Variants in ANK3 observed in about 807,000 individuals in gnomAD.
ANK3 encodes ankyrin-3.
In ANK3, 57 loss-of-function variants were observed where a neutral mutation model predicts 370.9. The ratio of observed to expected loss-of-function variants is 0.15; its 90% CI spans 0.12 to 0.19. ANK3 has a LOEUF of 0.19. Among genes scored for constraint, ANK3 ranks in the 10% least tolerant of loss-of-function variants. The pLI, the probability that ANK3 is intolerant of heterozygous loss-of-function variation, is 1.00. For synonymous variants in ANK3, 1,929 were observed against 1,946.3 expected (o/e 0.99, Z 0.23); for missense variants, 4,439 against 5,302.1 (o/e 0.84, Z 5.06).
intron 2 of ANK3, among the ~76,000 whole-genome samples, chr10:60,538,765 T>A (rs1211725974): frequency 2.0e-5 from 3 of 151,894 alleles, no homozygotes; most frequent in African/African-American, 7.2e-5. Flanking sequence ...ATAGTAAATA[T>A]ATATTTACTA....
At chr10:60,502,547 G>A (rs1229730703) in intron 2 of ANK3, among the ~76,000 whole-genome samples, 2 of 152,166 alleles carry the variant, frequency 1.3e-5, no homozygotes, top group Non-Finnish European at 2.9e-5. Context: ...GGGCATGATG[G>A]CAGATGCCTA....
intron 8 of ANK3, among the ~76,000 whole-genome samples, chr10:60,220,454 C>T (rs943879795): frequency 6.6e-6 from 1 of 152,172 alleles, no homozygotes; most frequent in South Asian, 2.1e-4. Context: ...ACTGATAGAA[C>T]AGACTCTTTA....
intron 2 of ANK3, chr10:60,507,807 A>G (rs2075979427): frequency 6.6e-6 from 1 of 152,062 alleles, no homozygotes. Context: ...GTTTTTTAAA[A>G]GCTACTTAAT....
intron 2 of ANK3, among the ~76,000 whole-genome samples, chr10:60,465,781 T>C (rs4948261): frequency 0.23 from 33,767 of 148,512 alleles, 4,057 homozygotes; most frequent in East Asian, 0.47. Flanking sequence ...TTTTTCTTTT[T>C]TTTCTTTCTT....
intron 2 of ANK3, among the ~76,000 whole-genome samples, chr10:60,599,509 T>A (rs2078032265): frequency 1.3e-5 from 2 of 152,352 alleles, no homozygotes; most frequent in East Asian, 1.9e-4. Context: ...TCTTTTCTAT[T>A]GATTCCTTTC....
chr10:60,237,584 GTTTC>G (rs1565895688), intron 7 of ANK3, among the ~76,000 whole-genome samples: 1 of 150,990 alleles, frequency 6.6e-6, no homozygotes, highest in African/African-American at 2.4e-5. Context: ...GGTGCCTTGA[GTTTC>G]TTTTTTTTCT....
intron 1 of ANK3, among the ~76,000 whole-genome samples, chr10:60,633,233 A>G (rs567898580): frequency 3.9e-5 from 6 of 152,356 alleles, no homozygotes; most frequent in African/African-American, 1.4e-4. Flanking sequence ...AATCACTATC[A>G]TGACATACAG....
At chr10:60,469,038 T>TATATATAC (rs1433826273) in intron 2 of ANK3, among the ~76,000 whole-genome samples, 3 of 71,050 alleles carry the variant, frequency 4.2e-5, no homozygotes, top group African/African-American at 1.7e-4. Flanking sequence ...AGTGTATATA[T>TATATATAC]ATATATATAT....
At chr10:60,109,484 C>T (rs2092514004) in intron 26 of ANK3, among the ~76,000 whole-genome samples, 2 of 152,162 alleles carry the variant, frequency 1.3e-5, no homozygotes, top group South Asian at 4.1e-4. Flanking sequence ...TGAAACTCCA[C>T]AGTATGTCTT....
intron 16 of ANK3, among the ~76,000 whole-genome samples, chr10:60,192,181 C>T (rs538001786): frequency 2.8e-3 from 433 of 152,110 alleles, no homozygotes; most frequent in Middle Eastern, 6.8e-3. Context: ...CGTGAGCCAC[C>T]GCACCCGGCC....
intron 17 of ANK3, among the ~76,000 whole-genome samples, chr10:60,186,289 T>C (rs1337482930): frequency 6.6e-6 from 1 of 152,064 alleles, no homozygotes; most frequent in Non-Finnish European, 1.5e-5. Flanking sequence ...GCCACTTCCA[T>C]ATATACTCAT....
chr10:60,458,288 T>C (rs1370583870), intron 2 of ANK3, among the ~76,000 whole-genome samples: 1 of 152,136 alleles, frequency 6.6e-6, no homozygotes, highest in African/African-American at 2.4e-5. Flanking sequence ...GCCATCAAAG[T>C]AACTCAAGAA....
intron 2 of ANK3, among the ~76,000 whole-genome samples, chr10:60,495,635 A>G (rs2075634555): frequency 6.6e-6 from 1 of 152,236 alleles, no homozygotes; most frequent in African/African-American, 2.4e-5. Flanking sequence ...AACAGCCTTT[A>G]TGAAGCAGTA....
chr10:60,322,508 A>C (rs76654015), intron 1 of ANK3, among the ~76,000 whole-genome samples: 5,467 of 151,918 alleles, frequency 0.036, 327 homozygotes, highest in African/African-American at 0.13. Context: ...AAAAAAAAAG[A>C]CATTTAGTCT....
chr10:60,204,039 A>G (rs1406953456), intron 11 of ANK3, among the ~76,000 whole-genome samples: 3 of 152,206 alleles, frequency 2.0e-5, no homozygotes, highest in African/African-American at 7.2e-5. Context: ...AAGGGACAGA[A>G]GGGGATAATT....
intron 1 of ANK3, among the ~76,000 whole-genome samples, chr10:60,649,643 T>C (rs984759373): frequency 2.0e-5 from 3 of 152,222 alleles, no homozygotes; most frequent in Admixed American, 6.5e-5. Context: ...CCTTTTAAAC[T>C]ACAATCTACT....
intron 1 of ANK3, among the ~76,000 whole-genome samples, chr10:60,699,728 G>T: frequency 6.6e-6 from 1 of 151,988 alleles, no homozygotes; most frequent in East Asian, 1.9e-4. Context: ...TGTAAAAGTT[G>T]GCTCTCAAAG....
intron 29 of ANK3, 125 bp from the exon 30 acceptor site, chr10:60,087,009 A>AAC: frequency 1.5e-6 from 1 of 667,302 alleles, no homozygotes; most frequent in African/African-American, 1.9e-5. Flanking sequence ...AAAAAAAAAA[A>AAC]CCCAGGTCTT....
chr10:60,690,127 C>A (rs1006935759), intron 1 of ANK3, among the ~76,000 whole-genome samples: 1 of 152,030 alleles, frequency 6.6e-6, no homozygotes, highest in Non-Finnish European at 1.5e-5. Flanking sequence ...CCAAGATGGC[C>A]GAATAGGAAC....
Sources: allele counts gnomAD v4.1 joint callset (sites outside exome capture counted in the v4.1 genomes callset), GRCh38; gene constraint gnomAD v4.1.1; transcripts MANE v1.5; gene names NCBI Gene and HGNC (gene_info 2026-07-23, HGNC 2026-07-21).